The following FAM81A variants were observed in gnomAD, a reference collection of about 807,000 sequenced individuals.
FAM81A encodes family with sequence similarity 81 member A.
FAM81A carries 19 observed loss-of-function variants against 46.7 expected under a neutral mutation model. The observed-to-expected ratio is 0.41, with a 90% CI of 0.28 to 0.60. The LOEUF (loss-of-function observed/expected upper bound fraction) is 0.60. Ranked by LOEUF, FAM81A falls within the 20% of genes least tolerant of loss-of-function variation. The pLI is 0.34. For missense variants in FAM81A, 377 were observed against 453.5 expected, an observed-to-expected ratio of 0.83 and a Z score of 1.53; for synonymous variants, 183 against 152.9, an observed-to-expected ratio of 1.20 and a Z score of -1.45.
chr15:59,515,294 C>G (rs989192758), intron 7 of FAM81A, among the ~76,000 whole-genome samples: 1 of 152,282 alleles, frequency 6.6e-6, no homozygotes, highest in East Asian at 1.9e-4. Flanking sequence ...TTGTTATGCT[C>G]CCAAACCAGT....
intron 6 of FAM81A, among the ~76,000 whole-genome samples, chr15:59,513,886 C>A (rs1437757989): frequency 6.6e-6 from 1 of 152,162 alleles, no homozygotes; most frequent in African/African-American, 2.4e-5. Context: ...GCATGGAATA[C>A]TGTGCAACCA....
intron 1 of FAM81A, among the ~76,000 whole-genome samples, chr15:59,398,277 T>C (rs1226950947): frequency 6.6e-6 from 1 of 152,176 alleles, no homozygotes; most frequent in Non-Finnish European, 1.5e-5. Flanking sequence ...TAATTGGTAA[T>C]GTAGGGTCTA....
chr15:59,423,202 A>G (rs2081181845), intron 2 of FAM81A, among the ~76,000 whole-genome samples: 1 of 152,038 alleles, frequency 6.6e-6, no homozygotes, highest in Admixed American at 6.6e-5. Flanking sequence ...AGTTCACGCC[A>G]TTCTCCTGCC....
upstream of FAM81A, among the ~76,000 whole-genome samples, chr15:59,436,251 A>C (rs1357983647): frequency 6.6e-6 from 1 of 152,140 alleles, no homozygotes; most frequent in Non-Finnish European, 1.5e-5. Flanking sequence ...CAAATGAAAA[A>C]TCAAAGTTCA....
Position 59,516,631 on chromosome 15 carries a change from A to G in FAM81A, c.787-14A>G. On this transcript the variant is annotated splice_polypyrimidine_tract_variant and intron_variant, in intron 7 of 8. Coordinates refer to ENST00000288228, the MANE Select transcript of FAM81A (RefSeq NM_152450.3). ...TTTGGAGTGATTAAGTGCAGTTCTT[A>G]TCATGGATCTCAGGGAGCCAGTGAA... 1 of 1,604,936 alleles carries G rather than the reference A, an allele frequency of 6.2e-7. No homozygotes were observed.
intron 4 of FAM81A, 103 bp downstream of exon 4, chr15:59,492,492 C>A: frequency 1.1e-6 from 1 of 914,388 alleles, no homozygotes; most frequent in Non-Finnish European, 1.7e-6. Flanking sequence ...AAATGGCTTG[C>A]ATTCCTTTAG....
chr15:59,492,736 T>C (rs968806503), intron 4 of FAM81A, among the ~76,000 whole-genome samples: 2 of 152,210 alleles, frequency 1.3e-5, no homozygotes, highest in Non-Finnish European at 2.9e-5. Context: ...ATTTTTCCTG[T>C]TATTCATTTT....
chr15:59,443,284 G>T (rs777758357), intron 1 of FAM81A, among the ~76,000 whole-genome samples: 8 of 152,118 alleles, frequency 5.3e-5, no homozygotes, highest in Non-Finnish European at 7.4e-5. Flanking sequence ...GTTTCACCAC[G>T]TTGGCCAGGC....
At chr15:59,447,280 C>T (rs190882362) in intron 1 of FAM81A, among the ~76,000 whole-genome samples, 8 of 152,104 alleles carry the variant, frequency 5.3e-5, no homozygotes, top group African/African-American at 1.9e-4. Context: ...TGCTGTTGGC[C>T]TAAGGACAGA....
intron 1 of FAM81A, among the ~76,000 whole-genome samples, chr15:59,401,050 T>C (rs977562123): frequency 1.6e-4 from 24 of 152,258 alleles, no homozygotes; most frequent in African/African-American, 5.8e-4. Flanking sequence ...TAAAGCATTA[T>C]TATTTTTATA....
intron 1 of FAM81A, among the ~76,000 whole-genome samples, chr15:59,441,811 T>A (rs1161476349): frequency 6.6e-6 from 1 of 152,224 alleles, no homozygotes; most frequent in Non-Finnish European, 1.5e-5. Context: ...GACACGGGGA[T>A]GCTGTGAGAT....
chr15:59,506,158 G>T (rs953549952), intron 4 of FAM81A, among the ~76,000 whole-genome samples: 4 of 151,046 alleles, frequency 2.6e-5, no homozygotes, highest in Non-Finnish European at 5.9e-5. Context: ...TTGTTTGTTT[G>T]TTTTGTTTTG....
intron 1 of FAM81A, among the ~76,000 whole-genome samples, chr15:59,451,774 A>G (rs1316582611): frequency 6.6e-6 from 1 of 151,490 alleles, no homozygotes; most frequent in Non-Finnish European, 1.5e-5. Flanking sequence ...TTGTCTCTTC[A>G]AGCTCTGCTT....
Position 59,460,877 on chromosome 15 carries a change from T to C in FAM81A, c.294+671T>C, listed in dbSNP as rs1319483522. 6.6e-6 allele frequency among the ~76,000 whole-genome samples: 1 copy of C among 152,214 alleles called. No homozygotes were observed. Among genetic ancestry groups the C allele is most frequent in the African/African-American group, 2.4e-5 (1 of 41,468 alleles). On this transcript the variant is annotated intron_variant, in intron 3 of 8. Coordinates refer to ENST00000288228, the MANE Select transcript of FAM81A (RefSeq NM_152450.3). The surrounding 1 kb of genome is among the most constrained non-coding windows in gnomAD (Gnocchi z 4.4). ...CACATGTAATGACTGAATATATGAA[T>C]ACTAATAGATATATGGCTAGATTAA... is the stretch of plus-strand genomic sequence containing the variant.
chr15:59,516,297 T>G (rs2082266189), intron 7 of FAM81A, among the ~76,000 whole-genome samples: 1 of 152,032 alleles, frequency 6.6e-6, no homozygotes, highest in Non-Finnish European at 1.5e-5. Context: ...CCCTGGCTAA[T>G]TTTTGTATTT....
intron 7 of FAM81A, 40 bp downstream of exon 7, chr15:59,514,464 C>T (rs765709276): frequency 6.2e-7 from 1 of 1,601,472 alleles, no homozygotes; most frequent in Admixed American, 1.7e-5. Flanking sequence ...TAAAGTTATT[C>T]AGTGGGGGCC....
Position 59,512,722 on chromosome 15 carries a change from G to A in FAM81A, c.651-1567G>A, listed in dbSNP as rs2082225777. On this transcript the variant is annotated intron_variant, in intron 6 of 8. Transcript: ENST00000288228. The stretch of plus-strand genomic sequence containing the variant: ...CATGCTGGCTCTCACATAACAGTGC[G>A]GAGATCAGTGGTCCAGAGGAGACAG... Among the ~76,000 whole-genome samples, 3 of 152,130 alleles carry A rather than the reference G, an allele frequency of 2.0e-5. No individual in the cohort carries two copies. In the South Asian group the frequency reaches 6.2e-4, roughly 32 times the overall value.
At chr15:59,500,902 T>C (rs1283883464) in intron 4 of FAM81A, among the ~76,000 whole-genome samples, 2 of 152,156 alleles carry the variant, frequency 1.3e-5, no homozygotes, top group Admixed American at 1.3e-4. Flanking sequence ...TATTATACAT[T>C]CCTTTACTTT....
chr15:59,497,538 TG>T (rs1230737721), intron 4 of FAM81A, among the ~76,000 whole-genome samples: 1 of 152,132 alleles, frequency 6.6e-6, no homozygotes, highest in East Asian at 1.9e-4. Context: ...TAGATCCGTT[TG>T]GGGAATATTG....
Sources: gnomAD v4.1 joint callset for allele counts (sites outside exome capture counted in the v4.1 genomes callset) on GRCh38, gnomAD v4.1.1 for gene constraint, Gnocchi (gnomAD v3.1) non-coding constraint, MANE v1.5 for transcripts, NCBI Gene and HGNC (gene_info 2026-07-23, HGNC 2026-07-21) for gene names.